Variants in CACNG5 observed in about 807,000 individuals in gnomAD.
CACNG5 encodes calcium voltage-gated channel auxiliary subunit gamma 5.
A neutral mutation model predicts 24.8 loss-of-function variants in CACNG5; 18 were observed. The observed-to-expected ratio is 0.73, with a 90% CI of 0.50 to 1.08. The LOEUF is 1.08. CACNG5 is among the 50% of genes least tolerant of loss of function. The pLI, the probability that CACNG5 is intolerant of heterozygous loss-of-function variation, is 0.00. For synonymous variants in CACNG5, 157 were observed against 149.1 expected (o/e 1.05, Z -0.39); for missense variants, 349 against 367.9 (o/e 0.95, Z 0.42).
chr17:66,874,214 G>T (rs1977046545), intron 1 of CACNG5, among the ~76,000 whole-genome samples: 1 of 152,140 alleles, frequency 6.6e-6, no homozygotes, highest in South Asian at 2.1e-4. Context: ...TTAAAATGGG[G>T]AGTAAGGTGC....
intron 1 of CACNG5, among the ~76,000 whole-genome samples, chr17:66,864,663 T>C (rs1489010052): frequency 6.6e-6 from 1 of 152,254 alleles, no homozygotes; most frequent in Non-Finnish European, 1.5e-5. Flanking sequence ...TATTTTTTCA[T>C]CAGCATCAAA....
In CACNG5 at chr17:66,879,051, T is replaced by A; in HGVS notation, c.276T>A (p.Asn92Lys). 6.2e-7 allele frequency: 1 copy of A among 1,613,822 alleles called. No individual in the cohort carries two copies. The highest frequency in any genetic ancestry group is 8.5e-7 in the Non-Finnish European group (1 of 1,179,784). The change falls in exon 3 of 6, where the codon AAT becomes AAA. Residue 92 changes from asparagine to lysine, a missense_variant. Coordinates refer to ENST00000533854, the MANE Select transcript of CACNG5 (RefSeq NM_145811.3). ...AGCTGACATCCGAGTCCACGGTCAA[T>A]GTTCTAAGTAAGTGCCTTGAGTCTG... Reference protein sequence around the residue: ...NTQLTSESTVNVLKMIRSATP... With the variant: ...NTQLTSESTVKVLKMIRSATP...
chr17:66,851,721 A>T (rs190777390), intron 1 of CACNG5, among the ~76,000 whole-genome samples: 1 of 152,334 alleles, frequency 6.6e-6, no homozygotes, highest in African/African-American at 2.4e-5. Context: ...GAAAACACAA[A>T]CAATATTGGG....
rs939649547 is a variant in CACNG5 at position 66,864,178 on chromosome 17, AT to A, written c.-103-13051del. On this transcript the variant is annotated intron_variant, in intron 1 of 5. Coordinates refer to ENST00000533854, the MANE Select transcript of CACNG5 (RefSeq NM_145811.3). ...AGGAGAAGGTTGCCTATATCCAGTC[AT>A]GAATTGAGCTGATTTGAAGATGAGT... Among the ~76,000 whole-genome samples, 709 of 152,318 alleles carry A rather than the reference AT, an allele frequency of 4.7e-3. 5 individuals are homozygous for A. Among genetic ancestry groups the A allele is most frequent in the African/African-American group, 0.015 (635 of 41,562 alleles).
chr17:66,868,728 C>T (rs1976963144), intron 1 of CACNG5, among the ~76,000 whole-genome samples: 1 of 152,192 alleles, frequency 6.6e-6, no homozygotes, highest in Admixed American at 6.5e-5. Context: ...CCTTAGTACG[C>T]ACTTGACCCA....
At position 66,877,538 on chromosome 17, in the gene CACNG5, C is replaced by A; in HGVS notation, c.196+10C>A. 1 of 1,611,636 alleles carries A rather than the reference C, an allele frequency of 6.2e-7. No individual in the cohort carries two copies. Among genetic ancestry groups the A allele is most frequent in the Non-Finnish European group, 8.5e-7 (1 of 1,178,668 alleles). On this transcript the variant is annotated intron_variant, in intron 2 of 5. Coordinates refer to ENST00000533854, the MANE Select transcript of CACNG5 (RefSeq NM_145811.3). The stretch of plus-strand genomic sequence containing the variant: ...GTCTGCTTCCTTGCAGGTAAGGGTG[C>A]CCAGGGTTGGGGACAGCCCTGCCCC...
In CACNG5 at chr17:66,877,522, C is replaced by T; in HGVS notation, c.190C>T (p.Leu64Phe). Residue 64 changes from leucine to phenylalanine, a missense_variant, in exon 2 of 6, where the codon CTT (leucine) becomes TTT (phenylalanine). Transcript: ENST00000533854. ...CTCAGGCCTCTGGCGGGTCTGCTTC[C>T]TTGCAGGTAAGGGTGCCCAGGGTTG... ...LHSGLWRVCF[L>F]AGEERGRCFT... 1 of 1,613,526 alleles carries T rather than the reference C, an allele frequency of 6.2e-7. No homozygotes were observed. The highest frequency in any genetic ancestry group is 8.5e-7 in the Non-Finnish European group (1 of 1,179,804).
Position 66,891,010 on chromosome 17 carries a change from T to G in CACNG5, c.*5770T>G, listed in dbSNP as rs889364629. Reference sequence around the variant, plus strand: ...GAGTGCACATGGCTGGCAGTAGCAGTGGGGAGACAGTTGGAGGAAGGCAGA... The same window carrying G: ...GAGTGCACATGGCTGGCAGTAGCAGGGGGGAGACAGTTGGAGGAAGGCAGA... On this transcript the variant is annotated 3_prime_UTR_variant, in exon 6 of 6. Transcript: ENST00000533854. 3.3e-5 allele frequency among the ~76,000 whole-genome samples: 5 copies of G among 152,118 alleles called. No individual in the cohort carries two copies. Among genetic ancestry groups the G allele is most frequent in the Non-Finnish European group, 7.4e-5 (5 of 68,010 alleles).
Position 66,894,524 on chromosome 17 carries a change from C to T in CACNG5, c.*9284C>T, listed in dbSNP as rs1187031635. Among the ~76,000 whole-genome samples, 1 of 152,132 alleles carries T rather than the reference C, an allele frequency of 6.6e-6. No individual in the cohort carries two copies. The highest frequency in any genetic ancestry group is 1.5e-5 in the Non-Finnish European group (1 of 68,024). On this transcript the variant is annotated 3_prime_UTR_variant, in exon 6 of 6. Coordinates refer to ENST00000533854, the MANE Select transcript of CACNG5 (RefSeq NM_145811.3). ...TTTGCTTTGAATCCTAGTGCAGAAT[C>T]TGAGTTAGTTACCCTCTCCAGTTCA...
intron 1 of CACNG5, among the ~76,000 whole-genome samples, chr17:66,866,829 A>G (rs1264445684): frequency 6.6e-6 from 1 of 152,200 alleles, no homozygotes; most frequent in African/African-American, 2.4e-5. Context: ...ATAGTATTCC[A>G]TGGTGTATAT....
intron 1 of CACNG5, among the ~76,000 whole-genome samples, chr17:66,863,375 T>C (rs1219144426): frequency 1.3e-5 from 2 of 152,126 alleles, no homozygotes; most frequent in African/African-American, 2.4e-5. Flanking sequence ...GCTGTTGTTG[T>C]TGTTGTTTTC....
At chr17:66,873,090 C>T (rs1400331376) in intron 1 of CACNG5, among the ~76,000 whole-genome samples, 1 of 152,136 alleles carries the variant, frequency 6.6e-6, no homozygotes, top group Non-Finnish European at 1.5e-5. Flanking sequence ...CATCTCTAAC[C>T]CTGAGTTTCT....
chr17:66,890,990 C>A lies in CACNG5; in HGVS notation c.*5750C>A, dbSNP rs2143146728. Among the ~76,000 whole-genome samples the A allele has an allele frequency of 6.6e-6, 1 of 152,290 alleles. No individual in the cohort carries two copies. The highest frequency in any genetic ancestry group is 2.1e-4 in the South Asian group (1 of 4,830). On this transcript the variant is annotated 3_prime_UTR_variant, in exon 6 of 6. Coordinates refer to ENST00000533854, the MANE Select transcript of CACNG5 (RefSeq NM_145811.3). The stretch of plus-strand genomic sequence containing the variant: ...AATAAGATTTATGCATAATGGAGTG[C>A]ACATGGCTGGCAGTAGCAGTGGGGA...
chr17:66,880,486 C>T (rs368103066), intron 3 of CACNG5, 71 bp from the exon 4 acceptor site: 1 of 1,591,740 alleles, frequency 6.3e-7, no homozygotes, highest in East Asian at 2.2e-5. Context: ...GCCAGGAACA[C>T]TCAACTCAGG....
At chr17:66,878,164 C>T (rs538029052) in intron 2 of CACNG5, among the ~76,000 whole-genome samples, 92 of 152,338 alleles carry the variant, frequency 6.0e-4, no homozygotes, top group Non-Finnish European at 2.9e-5. Context: ...CTTCAAGTTA[C>T]CACTCCAAGA....
Position 66,888,550 on chromosome 17 carries a change from A to C in CACNG5, c.*3310A>C, listed in dbSNP as rs1598067828. 6.7e-6 allele frequency among the ~76,000 whole-genome samples: 1 copy of C among 150,238 alleles called. No homozygotes were observed. The highest frequency in any genetic ancestry group is 2.0e-4 in the East Asian group (1 of 5,126). On this transcript the variant is annotated 3_prime_UTR_variant, in exon 6 of 6. Coordinates refer to ENST00000533854, the MANE Select transcript of CACNG5 (RefSeq NM_145811.3). The stretch of plus-strand genomic sequence containing the variant: ...CAGAGCGAGACTCCGTCTCAAAAAA[A>C]AAAAAAAAAAAAAAAAGAGTTAAAG...
intron 1 of CACNG5, among the ~76,000 whole-genome samples, chr17:66,872,168 C>A (rs1977017015): frequency 6.6e-6 from 1 of 152,174 alleles, no homozygotes; most frequent in South Asian, 2.1e-4. Context: ...TTATTTCTTT[C>A]CAGTCTGTGA....
In CACNG5 at chr17:66,893,581, C is replaced by T. The variant is rs1395593482; in HGVS notation, c.*8341C>T. 2.6e-5 allele frequency among the ~76,000 whole-genome samples: 4 copies of T among 152,160 alleles called. No individual in the cohort carries two copies. The highest frequency in any genetic ancestry group is 9.7e-5 in the African/African-American group (4 of 41,420). On this transcript the variant is annotated 3_prime_UTR_variant, in exon 6 of 6. Coordinates refer to ENST00000533854, the MANE Select transcript of CACNG5 (RefSeq NM_145811.3). Reference sequence around the variant, plus strand: ...TCTGATGCATCCTACCAACGTGACCCCAAGGAAAGTGCTGGAGGAATTGGG... The same window carrying T: ...TCTGATGCATCCTACCAACGTGACCTCAAGGAAAGTGCTGGAGGAATTGGG...
At chr17:66,879,553 A>G (rs1430345832) in intron 3 of CACNG5, among the ~76,000 whole-genome samples, 2 of 152,114 alleles carry the variant, frequency 1.3e-5, no homozygotes, top group East Asian at 3.9e-4. Context: ...CAGGTTCAAT[A>G]ATTGCAAAAA....
Sources: gnomAD v4.1 joint callset for allele counts (sites outside exome capture counted in the v4.1 genomes callset) on GRCh38, gnomAD v4.1.1 for gene constraint, MANE v1.5 for transcripts, NCBI Gene and HGNC (gene_info 2026-07-23, HGNC 2026-07-21) for gene names.